The following PCDH15 variants were observed in gnomAD, a reference collection of about 807,000 sequenced individuals.
The protein encoded by PCDH15 is protocadherin related 15.
A neutral mutation model predicts 178.5 loss-of-function variants in PCDH15; 129 were observed. That is an observed-to-expected ratio of 0.72 (90% CI 0.63 to 0.84). The LOEUF is 0.84. PCDH15 is among the 40% of genes least tolerant of loss of function. PCDH15 has a pLI of 0.00. For synonymous variants in PCDH15, 800 were observed against 732.0 expected (o/e 1.09, Z -1.50); for missense variants, 2,230 against 2,099.9 (o/e 1.06, Z -1.21).
chr10:54,972,521 C>T (rs186282767), intron 2 of PCDH15, among the ~76,000 whole-genome samples: 1 of 149,812 alleles, frequency 6.7e-6, no homozygotes, highest in Non-Finnish European at 1.5e-5. Flanking sequence ...GACTGGGGGA[C>T]AAGAGCAAGA....
At chr10:54,523,953 C>T (rs1013172882) in intron 3 of PCDH15, among the ~76,000 whole-genome samples, 4 of 152,056 alleles carry the variant, frequency 2.6e-5, no homozygotes, top group Non-Finnish European at 5.9e-5. Context: ...CAAGAGAGCC[C>T]GTGTAAGGAA....
At position 54,608,520 on chromosome 10, in the gene PCDH15, C is replaced by T. The variant is rs555447396; in HGVS notation, c.91+55652G>A. Among the ~76,000 whole-genome samples the T allele has an allele frequency of 2.7e-3, 403 of 151,732 alleles. 2 individuals carry two copies. The highest frequency in any genetic ancestry group is 9.0e-3 in the African/African-American group (371 of 41,356). ...CAGCTACTCTGGAGGCTGAGGTGGG[C>T]GGATAGATTGAACCCAGGATATCTA... On this transcript the variant is annotated intron_variant, in intron 2 of 37. Coordinates refer to ENST00000644397, the MANE Select transcript of PCDH15 (RefSeq NM_001384140.1).
chr10:54,797,407 C>T (rs982052006), intron 1 of PCDH15, among the ~76,000 whole-genome samples: 6 of 151,802 alleles, frequency 4.0e-5, no homozygotes, highest in Non-Finnish European at 5.9e-5. Flanking sequence ...TGAATGCAAC[C>T]TTTAAACAAG....
chr10:54,062,523 TAAAC>T (rs2094051210), intron 18 of PCDH15, among the ~76,000 whole-genome samples: 1 of 152,118 alleles, frequency 6.6e-6, no homozygotes, highest in Admixed American at 6.6e-5. Context: ...TTCCATCCTA[TAAAC>T]ATTACACTGT....
intron 3 of PCDH15, among the ~76,000 whole-genome samples, chr10:54,512,969 C>T (rs1202891920): frequency 6.6e-6 from 1 of 151,918 alleles, no homozygotes; most frequent in Admixed American, 6.6e-5. Context: ...TTAAATCATA[C>T]CACATGACAA....
chr10:55,117,765 CAGA>C (rs1180677320), intron 2 of PCDH15, among the ~76,000 whole-genome samples: 6 of 152,124 alleles, frequency 3.9e-5, no homozygotes, highest in Admixed American at 3.9e-4. Flanking sequence ...GAGAAATCAA[CAGA>C]AGAAGTCAAG....
intron 26 of PCDH15, among the ~76,000 whole-genome samples, chr10:53,902,876 TTTC>T (rs1427925782): frequency 6.6e-6 from 1 of 152,132 alleles, no homozygotes; most frequent in African/African-American, 2.4e-5. Context: ...TATTCCACTA[TTTC>T]TTCTATTAGA....
intron 8 of PCDH15, among the ~76,000 whole-genome samples, chr10:54,238,673 T>TCACACACACA (rs1387844861): frequency 9.8e-5 from 14 of 142,394 alleles, no homozygotes; most frequent in African/African-American, 3.8e-4. Flanking sequence ...TCTCTCTCTC[T>TCACACACACA]CTCTCACACA....
At position 55,015,064 on chromosome 10, in the gene PCDH15, T is replaced by A. The variant is rs535074542; in HGVS notation, c.-79-117564A>T. Among the ~76,000 whole-genome samples the A allele has an allele frequency of 9.2e-5, 14 of 152,114 alleles. 1 individual carries two copies. The East Asian group carries it at 2.5e-3, about 27-fold the overall frequency. ...GGTGAAACCCCATCTCTACTAAGAA[T>A]ATAAAAATTAGCTGGATGTGATGGT... On this transcript the variant is annotated intron_variant, in intron 2 of 5. Transcript: ENST00000458638.
At chr10:54,893,143 T>A (rs1954490332) in intron 3 of PCDH15, among the ~76,000 whole-genome samples, 1 of 152,074 alleles carries the variant, frequency 6.6e-6, no homozygotes, top group South Asian at 2.1e-4. Context: ...CAGCTTAAAA[T>A]TCTTATTCCA....
chr10:55,051,907 TTG>T, intron 2 of PCDH15, among the ~76,000 whole-genome samples: 1 of 152,262 alleles, frequency 6.6e-6, no homozygotes, highest in Middle Eastern at 3.4e-3. Flanking sequence ...GTTTCTGGCC[TTG>T]GGAAAATAGA....
chr10:55,392,979 A>ATGTGTGTGTG (rs10546546), intron 2 of PCDH15, among the ~76,000 whole-genome samples: 45 of 144,158 alleles, frequency 3.1e-4, no homozygotes, highest in African/African-American at 1.1e-3. Context: ...ACTAAAGTGT[A>ATGTGTGTGTG]TGTGTGTGTG....
At chr10:54,414,756 T>C (rs1007983063) in intron 3 of PCDH15, among the ~76,000 whole-genome samples, 2 of 152,126 alleles carry the variant, frequency 1.3e-5, no homozygotes, top group African/African-American at 4.8e-5. Flanking sequence ...CCAGAGAGTT[T>C]ATGTCACTTG....
rs190342917 is a variant in PCDH15, at chr10:53,980,139, A to G, written c.2868+15510T>C. On this transcript the variant is annotated intron_variant, in intron 21 of 37. Coordinates refer to ENST00000644397, the MANE Select transcript of PCDH15 (RefSeq NM_001384140.1). ...GGGAGGCTGAGGTAGGAGAATTGCT[A>G]GAACTCTGGGGCAGGAGGTTGCAGT... 2.3e-4 allele frequency among the ~76,000 whole-genome samples: 35 copies of G among 151,804 alleles called. No individual in the cohort carries two copies. In the East Asian group the frequency reaches 6.9e-3, roughly 30 times the overall value.
At chr10:54,113,315 G>C (rs932947718) in intron 15 of PCDH15, among the ~76,000 whole-genome samples, 3 of 152,120 alleles carry the variant, frequency 2.0e-5, no homozygotes, top group Non-Finnish European at 4.4e-5. Context: ...GTTTACTCCA[G>C]ATAAACAATA....
intron 15 of PCDH15, among the ~76,000 whole-genome samples, chr10:54,115,763 C>T (rs2095102492): frequency 6.6e-6 from 1 of 152,164 alleles, no homozygotes; most frequent in South Asian, 2.1e-4. Flanking sequence ...AATAAAGATC[C>T]TGTAATTGAA....
chr10:54,015,403 T>C (rs989514310), intron 20 of PCDH15, among the ~76,000 whole-genome samples: 1 of 152,134 alleles, frequency 6.6e-6, no homozygotes, highest in Non-Finnish European at 1.5e-5. Flanking sequence ...AAATGTATTC[T>C]AAAATTCATA....
At chr10:54,074,612 G>A (rs1166054534) in intron 17 of PCDH15, among the ~76,000 whole-genome samples, 1 of 152,098 alleles carries the variant, frequency 6.6e-6, no homozygotes, top group African/African-American at 2.4e-5. Context: ...GGAAAACTGG[G>A]TTGCTTTTAC....
chr10:54,651,655 T>C (rs978269576), intron 2 of PCDH15, among the ~76,000 whole-genome samples: 10 of 152,176 alleles, frequency 6.6e-5, no homozygotes, highest in Admixed American at 2.6e-4. Context: ...GACTGAGGCA[T>C]TACCTTTTAC....
Sources: gnomAD v4.1 joint callset for allele counts (sites outside exome capture counted in the v4.1 genomes callset) on GRCh38, gnomAD v4.1.1 for gene constraint, MANE v1.5 for transcripts, NCBI Gene and HGNC (gene_info 2026-07-23, HGNC 2026-07-21) for gene names.